Variants in CASKIN2 observed in about 807,000 individuals in gnomAD.
CASKIN2 encodes caskin-2.
A neutral mutation model predicts 107.1 loss-of-function variants in CASKIN2; 41 were observed. The ratio of observed to expected loss-of-function variants is 0.38; its 90% CI spans 0.30 to 0.50. The LOEUF (loss-of-function observed/expected upper bound fraction) is 0.50, where lower values mean the gene tolerates loss of function less well. Ranked by LOEUF, CASKIN2 falls within the 20% of genes least tolerant of loss-of-function variation. The pLI, the probability that CASKIN2 is intolerant of heterozygous loss-of-function variation, is 0.92. For missense variants in CASKIN2, 1,546 were observed against 1,657.4 expected, an observed-to-expected ratio of 0.93 and a Z score of 1.17; for synonymous variants, 724 against 705.6, an observed-to-expected ratio of 1.03 and a Z score of -0.41.
Position 75,503,026 on chromosome 17 carries a change from C to G in CASKIN2, c.2048G>C (p.Gly683Ala). 1 of 1,605,876 alleles carries G rather than the reference C, an allele frequency of 6.2e-7. No homozygotes were observed. The highest frequency in any genetic ancestry group is 8.5e-7 in the Non-Finnish European group (1 of 1,178,712). The part of the protein sequence containing the change: ...SPELQAAMAG[G>A]GPEPLPLPPA... ...TGGGAGGGGGAGTGGTTCAGGGCCA[C>G]CCCCTGCCATGGCCGCCTGTAGCTC... The change falls in exon 18 of 20, where the codon GGT becomes GCT. Residue 683 changes from glycine to alanine, a missense_variant. Around this residue, in one of 6 missense-constraint regions of CASKIN2, gnomAD observed 1,311 missense variants for 1,311.0 expected, o/e 1.00. Coordinates refer to ENST00000321617, the MANE Select transcript of CASKIN2 (RefSeq NM_020753.5).
Position 75,503,665 on chromosome 17 carries a change from G to A in CASKIN2, c.1674C>T (p.Tyr558=), listed in dbSNP as rs2053229409. ...QLSIAEWLPS[Y]IPTDLLEWLC... Reference sequence around the variant, plus strand: ...GCCACCCTTGATGGCTCACTGGGATGTAGCTGGGCAGCCACTCGGCGATGC... The same window carrying A: ...GCCACCCTTGATGGCTCACTGGGATATAGCTGGGCAGCCACTCGGCGATGC... Residue 558 remains tyrosine (Y), a synonymous_variant, in exon 16 of 20, where the codon TAC becomes TAT. Coordinates refer to ENST00000321617, the MANE Select transcript of CASKIN2 (RefSeq NM_020753.5). The A allele has an allele frequency of 6.2e-7, 1 of 1,611,672 alleles. No homozygotes were observed. Among genetic ancestry groups the A allele is most frequent in the East Asian group, 2.2e-5 (1 of 44,880 alleles).
chr17:75,511,636 G>A lies in CASKIN2; in HGVS notation c.94+2075C>T, dbSNP rs149493616. ...CTCCAGCTTCTCAGAGGACTGGGAG[G>A]GGAGGCACAGTGCCAGGGCCTCATA... On this transcript the variant is annotated intron_variant, in intron 2 of 19. Coordinates refer to ENST00000321617, the MANE Select transcript of CASKIN2 (RefSeq NM_020753.5). Among the ~76,000 whole-genome samples, 775 of 152,312 alleles carry A rather than the reference G, an allele frequency of 5.1e-3. 5 individuals are homozygous for A. The highest frequency in any genetic ancestry group is 5.7e-3 in the Non-Finnish European group (388 of 68,034).
At chr17:75,509,385 C>A (rs1361338736) in intron 2 of CASKIN2, among the ~76,000 whole-genome samples, 1 of 152,210 alleles carries the variant, frequency 6.6e-6, no homozygotes, top group Non-Finnish European at 1.5e-5. Flanking sequence ...CCCTGAATAC[C>A]CCAGTAGCCT....
At chr17:75,513,228 T>A (rs905895644) in intron 2 of CASKIN2, among the ~76,000 whole-genome samples, 1 of 151,914 alleles carries the variant, frequency 6.6e-6, no homozygotes, top group African/African-American at 2.4e-5. Flanking sequence ...TCACTTGAGG[T>A]CTGGAGTTCG....
rs1366262685 is a variant in CASKIN2 at position 75,501,821 on chromosome 17, G to A, written c.3253C>T (p.Pro1085Ser). The part of the protein sequence containing the change: ...AASRWNGETE[P>S]PAAPAALLKV... ...AGGAGGGCAGCAGGGGCGGCCGGGGGTTCTGTCTCCCCATTCCACCGACTA... is the reference window on the plus strand; with the variant it reads ...AGGAGGGCAGCAGGGGCGGCCGGGGATTCTGTCTCCCCATTCCACCGACTA... The change falls in exon 18 of 20, where the codon CCC becomes TCC. Residue 1085 changes from proline to serine, a missense_variant. By Grantham distance (74) the Pro-to-Ser change is moderately conservative. Coordinates refer to ENST00000321617, the MANE Select transcript of CASKIN2 (RefSeq NM_020753.5). 1 of 1,551,842 alleles carries A rather than the reference G, an allele frequency of 6.4e-7. No homozygotes were observed. Among genetic ancestry groups the A allele is most frequent in the Non-Finnish European group, 8.7e-7 (1 of 1,151,336 alleles).
intron 3 of CASKIN2, 120 bp from the exon 4 acceptor site, chr17:75,507,801 C>T (rs1003503207): frequency 1.1e-5 from 8 of 715,518 alleles, no homozygotes; most frequent in African/African-American, 1.7e-5. Flanking sequence ...GCCCCCCCAA[C>T]CCCAGCAGCC....
At chr17:75,507,237 G>T in intron 4 of CASKIN2, 108 bp from the exon 5 acceptor site, 1 of 1,262,756 alleles carries the variant, frequency 7.9e-7, no homozygotes, top group East Asian at 2.5e-5. Context: ...GAGAGCCCAC[G>T]GGGATGCAAT....
intron 17 of CASKIN2, 57 bp from the exon 18 acceptor site, chr17:75,503,311 C>T (rs532075854): frequency 7.0e-6 from 11 of 1,576,888 alleles, no homozygotes; most frequent in East Asian, 2.3e-5. Flanking sequence ...TCCTGGTCAC[C>T]GCTGGGCCCC....
At position 75,502,766 on chromosome 17, in the gene CASKIN2, G is replaced by T; in HGVS notation, c.2308C>A (p.Pro770Thr). 1 of 1,600,982 alleles carries T rather than the reference G, an allele frequency of 6.2e-7. No homozygotes were observed. ...QGSPSSPAPG[P>T]PPGAPWAFSY... ...AAGGCCCAGGGTGCGCCAGGAGGTG[G>T]CCCTGGGGCCGGGCTAGAGGGTGAG... The change falls in exon 18 of 20, where the codon CCA becomes ACA. Residue 770 changes from proline to threonine, a missense_variant. Coordinates refer to ENST00000321617, the MANE Select transcript of CASKIN2 (RefSeq NM_020753.5). The surrounding 1 kb of genome is among the most constrained non-coding windows in gnomAD (Gnocchi z 4.3).
intron 2 of CASKIN2, among the ~76,000 whole-genome samples, chr17:75,512,543 G>A (rs2053323447): frequency 6.6e-6 from 1 of 152,206 alleles, no homozygotes; most frequent in Admixed American, 6.5e-5. Context: ...ACACATGTCA[G>A]GGGAAGAGAA....
chr17:75,513,948 GGCT>G lies in CASKIN2; in HGVS notation c.-147_-145del. Reference sequence around the variant, plus strand: ...AGCAAGTCAGGTGTCCCAGGCAGTGGGCTCCTCGTCAGGTACTGAGGGATACTC... The same window carrying G: ...AGCAAGTCAGGTGTCCCAGGCAGTGGCCTCGTCAGGTACTGAGGGATACTC... On this transcript the variant is annotated 5_prime_UTR_variant, in exon 2 of 20. Coordinates refer to ENST00000321617, the MANE Select transcript of CASKIN2 (RefSeq NM_020753.5). 1 of 669,662 alleles carries G rather than the reference GGCT, an allele frequency of 1.5e-6. No homozygotes were observed. Among genetic ancestry groups the G allele is most frequent in the South Asian group, 1.8e-5 (1 of 56,966 alleles). The allele number at this position is 669,662 out of a possible 1,614,324, so 41.5% of individuals were successfully genotyped here.
At position 75,506,875 on chromosome 17, in the gene CASKIN2, T is replaced by C. The variant is rs1288348509; in HGVS notation, c.410A>G (p.His137Arg). ...HYEVSEMLLQ[H>R]QSNPCLVNKA... ...GTTGACCAGGCATGGGTTGGACTGA[T>C]GCTGGAGGAGCATTTCTGACTGGGG... The change falls in exon 6 of 20, where the codon CAT (histidine) becomes CGT (arginine). Residue 137 changes from histidine to arginine, a missense_variant. This residue lies in a region of CASKIN2 where 136 missense variants were observed against 198.6 expected (regional missense o/e 0.68). Coordinates refer to ENST00000321617, the MANE Select transcript of CASKIN2 (RefSeq NM_020753.5). This position sits in a 1 kb window ranked among gnomAD's most constrained non-coding sequence, Gnocchi z 4.8. 3.7e-6 allele frequency: 6 copies of C among 1,612,174 alleles called. No individual in the cohort carries two copies. Among genetic ancestry groups the C allele is most frequent in the Non-Finnish European group, 5.1e-6 (6 of 1,179,368 alleles).
chr17:75,504,034 G>A, intron 14 of CASKIN2, 72 bp from the exon 15 acceptor site: 2 of 1,409,000 alleles, frequency 1.4e-6, no homozygotes, highest in Non-Finnish European at 2.0e-6. Flanking sequence ...AGGGGCTCAG[G>A]ACCTGCCTGA....
In CASKIN2 at chr17:75,505,154, C is replaced by A; in HGVS notation, c.931-81G>T. On this transcript the variant is annotated intron_variant, in intron 10 of 19. Coordinates refer to ENST00000321617, the MANE Select transcript of CASKIN2 (RefSeq NM_020753.5). The surrounding 1 kb of genome is among the most constrained non-coding windows in gnomAD (Gnocchi z 5.1). ...AACGGTTGTCCCTGCAGCTGCGGTC[C>A]GGCAACCCTGGTCCAGCTCTTTCCC... is the stretch of plus-strand genomic sequence containing the variant. 6.8e-7 allele frequency: 1 copy of A among 1,472,732 alleles called. No individual in the cohort carries two copies. Among genetic ancestry groups the A allele is most frequent in the South Asian group, 1.2e-5 (1 of 85,916 alleles). The allele number at this position is 1,472,732 out of a possible 1,614,324, so 91.2% of individuals were successfully genotyped here. A position where few individuals can be genotyped will look rare whatever the true frequency, so the allele number is the denominator to read the frequency against.
In CASKIN2 at chr17:75,502,090, T is replaced by C. The variant is rs2053200107; in HGVS notation, c.2984A>G (p.Lys995Arg). ...TESDTVKRRP[K>R]CREREPLQTA... is the part of the protein sequence containing the mutation. ...CTGCAGTGGCTCTCTCTCCCGGCAC[T>C]TGGGCCTCCGCTTAACAGTGTCTGA... The change falls in exon 18 of 20, where the codon AAG becomes AGG. Residue 995 changes from lysine to arginine, a missense_variant. Lys to Arg is a conservative substitution (Grantham distance 26, BLOSUM62 2). Around this residue, in one of 6 missense-constraint regions of CASKIN2, gnomAD observed 1,311 missense variants for 1,311.0 expected, o/e 1.00. Transcript: ENST00000321617. This position sits in a 1 kb window ranked among gnomAD's most constrained non-coding sequence, Gnocchi z 4.3. 1.9e-6 allele frequency: 3 copies of C among 1,610,252 alleles called. No homozygotes were observed. Among genetic ancestry groups the C allele is most frequent in the South Asian group, 2.2e-5 (2 of 91,074 alleles).
At chr17:75,512,900 A>T (rs995563891) in intron 2 of CASKIN2, among the ~76,000 whole-genome samples, 2 of 14,822 alleles carry the variant, frequency 1.3e-4, no homozygotes, top group African/African-American at 2.6e-4. Context: ...ACTCCGTCTC[A>T]AAAAAAAAAA....
Position 75,502,481 on chromosome 17 carries a change from G to C in CASKIN2, c.2593C>G (p.Arg865Gly). Residue 865 changes from arginine to glycine, a missense_variant, in exon 18 of 20, where the codon CGC (arginine) becomes GGC (glycine). By Grantham distance (125) the Arg-to-Gly change is moderately radical (BLOSUM62 -2). Coordinates refer to ENST00000321617, the MANE Select transcript of CASKIN2 (RefSeq NM_020753.5). The surrounding 1 kb of genome is among the most constrained non-coding windows in gnomAD (Gnocchi z 4.3). ...RSQSFALRAR[R>G]KGPPPPPPKR... ...GGGGGCGGGGGCGGGGGGCCTTTGC[G>C]CCGGGCCCGCAGGGCAAAGGACTGG... The C allele has an allele frequency of 6.9e-7, 1 of 1,451,086 alleles. No individual in the cohort carries two copies. Among genetic ancestry groups the C allele is most frequent in the Non-Finnish European group, 9.1e-7 (1 of 1,097,714 alleles). 89.9% of individuals were successfully genotyped at this position (1,451,086 alleles called of 1,614,324 possible).
rs1284772752 is a variant in CASKIN2 at position 75,503,177 on chromosome 17, T to G, written c.1897A>C (p.Ser633Arg). 6.2e-7 allele frequency: 1 copy of G among 1,602,614 alleles called. No individual in the cohort carries two copies. Among genetic ancestry groups the G allele is most frequent in the African/African-American group, 1.3e-5 (1 of 74,816 alleles). The stretch of plus-strand genomic sequence containing the variant: ...TTGGCCAGCCGGCGCCCGCCTTCGC[T>G]GAGGGCCTCCCCCTGCAGCAGGCCC... ...RRGLLQGEALSEGGRRLAKGP... is the reference protein window; with the variant it reads ...RRGLLQGEALREGGRRLAKGP... Residue 633 changes from serine (S) to arginine (R), a missense_variant, in exon 18 of 20, where the codon AGC becomes CGC. By Grantham distance (110) the Ser-to-Arg change is moderately radical. Coordinates refer to ENST00000321617, the MANE Select transcript of CASKIN2 (RefSeq NM_020753.5).
At chr17:75,511,674 C>T (rs2053316975) in intron 2 of CASKIN2, among the ~76,000 whole-genome samples, 1 of 152,206 alleles carries the variant, frequency 6.6e-6, no homozygotes, top group Non-Finnish European at 1.5e-5. Context: ...GAATCCCAGG[C>T]CCCAGTCATG....
Sources: allele counts gnomAD v4.1 joint callset (sites outside exome capture counted in the v4.1 genomes callset), GRCh38; gene constraint gnomAD v4.1.1; regional missense constraint gnomAD v4.1.1; non-coding constraint Gnocchi (gnomAD v3.1); transcripts MANE v1.5; gene names NCBI Gene and HGNC (gene_info 2026-07-23, HGNC 2026-07-21).